The following ZC3H12B variants were observed in gnomAD, a reference collection of about 807,000 sequenced individuals.
ZC3H12B encodes the protein zinc finger CCCH-type containing 12B.
Under a neutral mutation model 43.9 loss-of-function variants are expected in ZC3H12B, and 7 were observed. The observed-to-expected ratio is 0.16, with a 90% CI of 0.09 to 0.30. The LOEUF (loss-of-function observed/expected upper bound fraction) is 0.30. Among genes scored for constraint, ZC3H12B ranks in the 10% least tolerant of loss-of-function variants. The pLI is 1.00. For synonymous variants in ZC3H12B, 222 were observed against 241.7 expected (o/e 0.92, Z 0.76); for missense variants, 475 against 670.2 (o/e 0.71, Z 3.22).
the ZC3H12B span, among the ~76,000 whole-genome samples, chrX:65,315,919 A>G: frequency 8.9e-6 from 1 of 111,936 alleles, no homozygotes; most frequent in Non-Finnish European, 1.9e-5. Context: ...GAACTTAAGG[A>G]GTAAAATAAG....
At chrX:65,248,586 A>G in the ZC3H12B span, among the ~76,000 whole-genome samples, 1 of 111,761 alleles carries the variant, frequency 8.9e-6, no homozygotes, top group Non-Finnish European at 1.9e-5. Flanking sequence ...GCTCTCATGG[A>G]GACTACATCT....
At chrX:65,162,088 A>T in the ZC3H12B span, among the ~76,000 whole-genome samples, 1 of 111,451 alleles carries the variant, frequency 9.0e-6, no homozygotes. Flanking sequence ...AATGTTGAGT[A>T]TTGGCCCCCA....
At chrX:65,120,853 G>T in the ZC3H12B span, among the ~76,000 whole-genome samples, 1 of 111,414 alleles carries the variant, frequency 9.0e-6, no homozygotes, top group Non-Finnish European at 1.9e-5. Flanking sequence ...GAGTTTTTTA[G>T]CATGAAGAGT....
the ZC3H12B span, among the ~76,000 whole-genome samples, chrX:65,108,639 TAA>T: frequency 9.7e-4 from 99 of 101,684 alleles, no homozygotes; most frequent in African/African-American, 2.0e-3. Context: ...ACAGTTAACT[TAA>T]AAAAAAAAAA....
chrX:65,298,544 T>A, the ZC3H12B span, among the ~76,000 whole-genome samples: 2 of 110,343 alleles, frequency 1.8e-5, no homozygotes, highest in East Asian at 5.7e-4. Context: ...CGTATGGAGG[T>A]TCCTCAATAT....
At chrX:65,371,033 T>G (rs2066237413) in intron 2 of ZC3H12B, among the ~76,000 whole-genome samples, 1 of 112,000 alleles carries the variant, frequency 8.9e-6, no homozygotes, top group Non-Finnish European at 1.9e-5. Context: ...ATGGACTAGA[T>G]TATCTCTAAG....
At chrX:65,054,381 C>T in the ZC3H12B span, among the ~76,000 whole-genome samples, 2 of 111,381 alleles carry the variant, frequency 1.8e-5, no homozygotes, top group African/African-American at 6.5e-5. Context: ...TTCCCCATTT[C>T]TTGTTTTTGT....
the ZC3H12B span, among the ~76,000 whole-genome samples, chrX:65,262,121 A>C: frequency 9.0e-6 from 1 of 110,918 alleles, no homozygotes; most frequent in African/African-American, 3.3e-5. Context: ...CTTTCACACT[A>C]TCTCTTTCCC....
At chrX:65,100,566 C>CAAAAAAAA in the ZC3H12B span, among the ~76,000 whole-genome samples, 33 of 4,531 alleles carry the variant, frequency 7.3e-3, 7 homozygotes, top group African/African-American at 0.026. Flanking sequence ...AAAGATAAAG[C>CAAAAAAAA]AAAAAAAAAA....
the ZC3H12B span, among the ~76,000 whole-genome samples, chrX:65,311,470 C>T: frequency 2.7e-5 from 3 of 111,541 alleles, no homozygotes; most frequent in Admixed American, 1.9e-4. Flanking sequence ...GTTAGAATGG[C>T]GATCATTAAA....
At chrX:65,392,360 A>G (rs1322038063) in intron 2 of ZC3H12B, among the ~76,000 whole-genome samples, 1 of 109,217 alleles carries the variant, frequency 9.2e-6, no homozygotes, top group Non-Finnish European at 1.9e-5. Context: ...GGATGTGGGG[A>G]GCACCTCTGC....
chrX:65,129,140 G>T, the ZC3H12B span, among the ~76,000 whole-genome samples: 6 of 109,054 alleles, frequency 5.5e-5, no homozygotes, highest in Non-Finnish European at 1.1e-4. Context: ...TTGCCTTCTT[G>T]TGTGGTACTT....
chrX:65,225,557 T>A, the ZC3H12B span, among the ~76,000 whole-genome samples: 1 of 112,086 alleles, frequency 8.9e-6, no homozygotes, highest in Non-Finnish European at 1.9e-5. Flanking sequence ...GAAGAAGGCT[T>A]CAGACGATCA....
At chrX:65,370,957 G>T (rs189785027) in intron 2 of ZC3H12B, among the ~76,000 whole-genome samples, 113 of 111,704 alleles carry the variant, frequency 1.0e-3, no homozygotes, top group African/African-American at 3.7e-3. Flanking sequence ...CTGCCTAATT[G>T]TATAACCTAA....
the ZC3H12B span, among the ~76,000 whole-genome samples, chrX:65,188,448 T>A: frequency 9.2e-6 from 1 of 108,710 alleles, no homozygotes. Context: ...GTACAACGTT[T>A]CCCTTTCCTC....
chrX:65,172,693 A>C, the ZC3H12B span, among the ~76,000 whole-genome samples: 1 of 111,723 alleles, frequency 9.0e-6, no homozygotes, highest in Non-Finnish European at 1.9e-5. Context: ...TCCTTTCTAC[A>C]TTGTTTGTTT....
chrX:65,416,985 C>A lies in ZC3H12B; in HGVS notation n.407+18281C>A, dbSNP rs143307207. Among the ~76,000 whole-genome samples the A allele has an allele frequency of 1.2e-4, 13 of 111,590 alleles. No homozygotes were observed. The East Asian group carries it at 3.6e-3, about 31-fold the overall frequency. On this transcript the variant is annotated intron_variant and non_coding_transcript_variant, in intron 3 of 5. Transcript: ENST00000617377. ...TTCCAAGAGATATGATTTAGTATAT[C>A]TTGGGTAGAACTTAAGAGCCTTGAT...
chrX:65,083,409 G>A, the ZC3H12B span, among the ~76,000 whole-genome samples: 3 of 111,908 alleles, frequency 2.7e-5, no homozygotes, highest in Non-Finnish European at 5.7e-5. Context: ...ATTCAGTAAA[G>A]TTGCAGGATA....
the ZC3H12B span, among the ~76,000 whole-genome samples, chrX:65,044,655 G>C: frequency 9.0e-6 from 1 of 110,971 alleles, no homozygotes; most frequent in Non-Finnish European, 1.9e-5. Flanking sequence ...GTTGGATTAG[G>C]GTAGTAGTAC....
Sources: gnomAD v4.1 joint callset for allele counts (sites outside exome capture counted in the v4.1 genomes callset) on GRCh38, gnomAD v4.1.1 for gene constraint, MANE v1.5 for transcripts, NCBI Gene and HGNC (gene_info 2026-07-23, HGNC 2026-07-21) for gene names.